The following CNTNAP3B variants were observed in gnomAD, a reference collection of about 807,000 sequenced individuals.
The protein encoded by CNTNAP3B is contactin associated protein family member 3B, also known as contactin-associated protein-like 3B.
In CNTNAP3B, 25 loss-of-function variants were observed where a neutral mutation model predicts 108.9. The ratio of observed to expected loss-of-function variants is 0.23; its 90% CI spans 0.17 to 0.32. CNTNAP3B has a LOEUF of 0.32. CNTNAP3B is among the 10% of genes least tolerant of loss of function. CNTNAP3B has a pLI of 1.00. For missense variants in CNTNAP3B, 252 were observed against 1,210.4 expected, an observed-to-expected ratio of 0.21 and a Z score of 11.75; for synonymous variants, 103 against 473.4, an observed-to-expected ratio of 0.22 and a Z score of 10.16.
At chr9:42,076,410 C>G in intron 3 of CNTNAP3B, among the ~76,000 whole-genome samples, 1 of 124,468 alleles carries the variant, frequency 8.0e-6, no homozygotes, top group Admixed American at 8.2e-5. Context: ...TGGGTGATAA[C>G]AGCGAAACTC....
At chr9:41,950,838 G>A (rs1312069083) in intron 13 of CNTNAP3B, among the ~76,000 whole-genome samples, 3 of 135,824 alleles carry the variant, frequency 2.2e-5, no homozygotes, top group African/African-American at 8.3e-5. Flanking sequence ...TCGGCTCACT[G>A]CAAGCTCCAC....
At chr9:41,935,128 A>C (rs1381442021) in intron 14 of CNTNAP3B, among the ~76,000 whole-genome samples, 24 of 152,292 alleles carry the variant, frequency 1.6e-4, no homozygotes, top group Non-Finnish European at 3.2e-4. Context: ...CAATATTTTA[A>C]ATCATTATAG....
At chr9:41,943,221 G>A (rs1287611566) in intron 13 of CNTNAP3B, among the ~76,000 whole-genome samples, 3 of 152,298 alleles carry the variant, frequency 2.0e-5, no homozygotes, top group Admixed American at 2.0e-4. Context: ...CAAAGTCTGG[G>A]AAGACTGGGA....
chr9:41,920,725 T>G (rs1205666535), intron 17 of CNTNAP3B, among the ~76,000 whole-genome samples: 1 of 151,870 alleles, frequency 6.6e-6, no homozygotes, highest in Non-Finnish European at 1.5e-5. Context: ...TTATAATGGT[T>G]AGGTATGAAC....
chr9:42,020,029 A>AT (rs532744187), intron 3 of CNTNAP3B, among the ~76,000 whole-genome samples: 1 of 124,340 alleles, frequency 8.0e-6, no homozygotes, highest in Non-Finnish European at 1.7e-5. Context: ...GCATCCTATC[A>AT]TTTTTTTAAA....
At chr9:41,934,145 A>T (rs1824076958) in intron 14 of CNTNAP3B, among the ~76,000 whole-genome samples, 1 of 133,114 alleles carries the variant, frequency 7.5e-6, no homozygotes, top group Non-Finnish European at 1.7e-5. Flanking sequence ...ATATATACAC[A>T]CACATATATA....
At chr9:41,951,442 G>C (rs1312154906) in intron 13 of CNTNAP3B, among the ~76,000 whole-genome samples, 1 of 130,930 alleles carries the variant, frequency 7.6e-6, no homozygotes, top group Non-Finnish European at 1.6e-5. Context: ...ATTAAGTTTT[G>C]TAATGCCAAC....
Position 42,129,100 on chromosome 9 carries a change from C to T in CNTNAP3B, c.-6G>A, listed in dbSNP as rs1251605129. The T allele has an allele frequency of 1.9e-6, 3 of 1,594,510 alleles. No individual in the cohort carries two copies. Among genetic ancestry groups the T allele is most frequent in the Admixed American group, 3.4e-5 (2 of 58,832 alleles). On this transcript the variant is annotated 5_prime_UTR_variant, in exon 1 of 24. In the 5' UTR this introduces an upstream ATG that the reference lacks. Transcript: ENST00000377561. Reference sequence around the variant, plus strand: ...GCCCAGGCCACTGAAGCCATGCTCACTTCAGCCAGGCGCCCTGAGACCCGG... The same window carrying T: ...GCCCAGGCCACTGAAGCCATGCTCATTTCAGCCAGGCGCCCTGAGACCCGG...
chr9:42,121,716 A>G (rs1828466452), intron 1 of CNTNAP3B, among the ~76,000 whole-genome samples: 1 of 140,126 alleles, frequency 7.1e-6, no homozygotes, highest in African/African-American at 2.8e-5. Flanking sequence ...CTATTTTTAT[A>G]TTGCAATGTT....
At chr9:41,939,674 C>A (rs1442768172) in intron 13 of CNTNAP3B, among the ~76,000 whole-genome samples, 2 of 152,278 alleles carry the variant, frequency 1.3e-5, no homozygotes, top group Non-Finnish European at 2.9e-5. Context: ...CACCATTAAA[C>A]TGTCGCAGAT....
intron 6 of CNTNAP3B, 74 bp downstream of exon 6, chr9:41,997,494 T>A: frequency 6.8e-7 from 1 of 1,464,258 alleles, no homozygotes; most frequent in Non-Finnish European, 9.2e-7. Context: ...TGAATTACTA[T>A]AAAATGGCAT....
At position 41,941,394 on chromosome 9, in the gene CNTNAP3B, A is replaced by G. The variant is rs1479841327; in HGVS notation, c.2081-2994T>C. ...GCAAAACTTAAATTTGAAAGAAAGC[A>G]GAATGGCTATCTCATAAAATAGACT... On this transcript the variant is annotated intron_variant, in intron 13 of 23. Coordinates refer to ENST00000377561, the MANE Select transcript of CNTNAP3B (RefSeq NM_001201380.3). Among the ~76,000 whole-genome samples the G allele has an allele frequency of 3.4e-5, 5 of 149,052 alleles. No individual in the cohort carries two copies. In the East Asian group the frequency reaches 7.8e-4, roughly 23 times the overall value.
intron 17 of CNTNAP3B, among the ~76,000 whole-genome samples, chr9:41,922,437 G>T (rs1326368204): frequency 2.1e-5 from 3 of 141,356 alleles, no homozygotes; most frequent in African/African-American, 8.4e-5. Flanking sequence ...CTGCACTCCA[G>T]CCTGGGCGAC....
intron 14 of CNTNAP3B, among the ~76,000 whole-genome samples, chr9:41,931,522 T>G (rs1164040118): frequency 2.0e-5 from 3 of 152,248 alleles, no homozygotes; most frequent in Non-Finnish European, 4.4e-5. Context: ...GGCTATATTA[T>G]TTAAGATTAT....
At chr9:41,997,532 G>T (rs1825923029) in intron 6 of CNTNAP3B, 36 bp downstream of exon 6, 2 of 1,562,644 alleles carry the variant, frequency 1.3e-6, no homozygotes, top group African/African-American at 1.4e-5. Context: ...TTATTTTTCA[G>T]GTTATATTTA....
rs369281905 is a variant in CNTNAP3B, at chr9:42,097,045, C to T, written c.196+7584G>A. On this transcript the variant is annotated intron_variant, in intron 2 of 23. Transcript: ENST00000377561. ...GGGATTACAGGCGTGAACCACTGTG[C>T]CCGGTCCCGCACAGAAGTTTTTGAT... is the stretch of plus-strand genomic sequence containing the variant. Among the ~76,000 whole-genome samples, 87 of 138,624 alleles carry T rather than the reference C, an allele frequency of 6.3e-4. 17 individuals are homozygous for T. The highest frequency in any genetic ancestry group is 2.1e-3 in the African/African-American group (72 of 34,758). 90.9% of individuals were successfully genotyped at this position (138,624 alleles called of 152,430 possible).
At chr9:42,110,903 G>GA (rs1234394436) in intron 1 of CNTNAP3B, among the ~76,000 whole-genome samples, 1 of 139,852 alleles carries the variant, frequency 7.2e-6, no homozygotes, top group Non-Finnish European at 1.5e-5. Flanking sequence ...GAATGCTTCG[G>GA]AAAAAGTACA....
chr9:41,930,516 C>T lies in CNTNAP3B; in HGVS notation c.2238-1072G>A, dbSNP rs1211718262. On this transcript the variant is annotated intron_variant, in intron 14 of 23. Coordinates refer to ENST00000377561, the MANE Select transcript of CNTNAP3B (RefSeq NM_001201380.3). ...CATGTGTGCAACACTGCACTCCAGC[C>T]TGGGTGGCAAAGTGAGACCCTGTCT... Among the ~76,000 whole-genome samples, 19 of 151,986 alleles carry T rather than the reference C, an allele frequency of 1.3e-4. No homozygotes were observed. In the East Asian group the frequency reaches 2.1e-3, roughly 17 times the overall value.
In CNTNAP3B at chr9:42,095,789, T is replaced by G. The variant is rs568961911; in HGVS notation, c.196+8840A>C. On this transcript the variant is annotated intron_variant, in intron 2 of 23. Transcript: ENST00000377561. ...TTGAAAATTCCTTCAGGGGTTCTTT[T>G]ACTTCCCCTTCATCCCCAGAGTTAA... Among the ~76,000 whole-genome samples the G allele has an allele frequency of 1.4e-3, 194 of 136,628 alleles. 23 individuals are homozygous for G. The highest frequency in any genetic ancestry group is 2.2e-3 in the Non-Finnish European group (141 of 64,268). The allele number at this position is 136,628 out of a possible 152,430, so 89.6% of individuals were successfully genotyped here. A position where few individuals can be genotyped will look rare whatever the true frequency, so the allele number is the denominator to read the frequency against.
Sources: gnomAD v4.1 joint callset for allele counts (sites outside exome capture counted in the v4.1 genomes callset) on GRCh38, gnomAD v4.1.1 for gene constraint, MANE v1.5 for transcripts, NCBI Gene and HGNC (gene_info 2026-07-23, HGNC 2026-07-21) for gene names.